The following SLC9A9 variants were observed in gnomAD, a reference collection of about 807,000 sequenced individuals.
SLC9A9 encodes solute carrier family 9 member A9.
In SLC9A9, 62 loss-of-function variants were observed where a neutral mutation model predicts 77.8. The ratio of observed to expected loss-of-function variants is 0.80; its 90% confidence interval spans 0.65 to 0.98. The LOEUF (loss-of-function observed/expected upper bound fraction) is 0.98. SLC9A9 is among the 50% of genes least tolerant of loss of function. SLC9A9 has a pLI of 0.00. For missense variants in SLC9A9, 775 were observed against 774.9 expected (o/e 1.00, Z 0.00); for synonymous variants, 320 against 283.5 (o/e 1.13, Z -1.29).
chr3:143,463,645 T>C (rs941011821), intron 12 of SLC9A9, among the ~76,000 whole-genome samples: 1 of 152,224 alleles, frequency 6.6e-6, no homozygotes, highest in Admixed American at 6.5e-5. Context: ...TTATTTTACA[T>C]GAAAACCTCC....
rs151163311 is a variant in SLC9A9 at position 143,316,165 on chromosome 3, C to A, written c.1605-47185G>T. Among the ~76,000 whole-genome samples the A allele has an allele frequency of 6.6e-5, 10 of 152,302 alleles. No homozygotes were observed. In the East Asian group the frequency reaches 1.9e-3, roughly 29 times the overall value. ...GCCCAGGCAGAAACATTTCCCACAT[C>A]TTTAGCCATTAGAAACCACCTGTCA... On this transcript the variant is annotated intron_variant, in intron 14 of 15. Coordinates refer to ENST00000316549, the MANE Select transcript of SLC9A9 (RefSeq NM_173653.4).
chr3:143,276,325 C>A (rs1053537539), intron 14 of SLC9A9, among the ~76,000 whole-genome samples: 3 of 152,222 alleles, frequency 2.0e-5, no homozygotes, highest in Non-Finnish European at 4.4e-5. Context: ...CGATGCTACT[C>A]CATTGCTTCC....
At chr3:143,574,699 C>G (rs1468994105) in intron 7 of SLC9A9, among the ~76,000 whole-genome samples, 1 of 152,128 alleles carries the variant, frequency 6.6e-6, no homozygotes, top group African/African-American at 2.4e-5. Flanking sequence ...GGAAGCTGTC[C>G]ATGCCCTCTT....
rs116274293 is a variant in SLC9A9 at position 143,396,983 on chromosome 3, G to T, written c.1470-14869C>A. 5.7e-3 allele frequency among the ~76,000 whole-genome samples: 861 copies of T among 152,232 alleles called. 8 individuals carry two copies. Among genetic ancestry groups the T allele is most frequent in the African/African-American group, 0.02 (818 of 41,528 alleles). The stretch of plus-strand genomic sequence containing the variant: ...TTCTTTGAAAAATAAACAAGAATAA[G>T]CAAGTACCTGTTCCAGACACAAATG... On this transcript the variant is annotated intron_variant, in intron 12 of 15. Transcript: ENST00000316549.
chr3:143,555,193 T>C (rs2036959410), intron 8 of SLC9A9, among the ~76,000 whole-genome samples: 1 of 152,098 alleles, frequency 6.6e-6, no homozygotes, highest in African/African-American at 2.4e-5. Flanking sequence ...TTATAAGGGG[T>C]TTCCCCTTTC....
chr3:143,469,937 A>T (rs912186239), intron 11 of SLC9A9, among the ~76,000 whole-genome samples: 1 of 152,176 alleles, frequency 6.6e-6, no homozygotes, highest in Non-Finnish European at 1.5e-5. Context: ...CAAGAAAAAA[A>T]GGCCCCACCA....
intron 13 of SLC9A9, among the ~76,000 whole-genome samples, chr3:143,371,331 T>C (rs1181918157): frequency 2.0e-5 from 3 of 152,180 alleles, no homozygotes; most frequent in African/African-American, 7.2e-5. Context: ...ATAATGACCA[T>C]GCCCTAAAAC....
intron 13 of SLC9A9, among the ~76,000 whole-genome samples, chr3:143,369,577 G>A (rs1053715814): frequency 6.6e-6 from 1 of 151,976 alleles, no homozygotes; most frequent in Non-Finnish European, 1.5e-5. Context: ...ATTACACATT[G>A]CATACATGTA....
chr3:143,719,606 A>G (rs982744526), intron 4 of SLC9A9, among the ~76,000 whole-genome samples: 1 of 152,202 alleles, frequency 6.6e-6, no homozygotes, highest in African/African-American at 2.4e-5. Flanking sequence ...GGCAGGTATC[A>G]TATGTTATTC....
intron 9 of SLC9A9, among the ~76,000 whole-genome samples, chr3:143,544,606 A>G (rs2036752994): frequency 6.6e-6 from 1 of 152,074 alleles, no homozygotes; most frequent in Admixed American, 6.6e-5. Flanking sequence ...ATTTTCTCCC[A>G]TTATGTAGGT....
At chr3:143,512,111 A>G (rs924295648) in intron 9 of SLC9A9, among the ~76,000 whole-genome samples, 12 of 152,368 alleles carry the variant, frequency 7.9e-5, no homozygotes, top group Admixed American at 7.2e-4. Flanking sequence ...AACTCACAGC[A>G]GAGAACTTAG....
At chr3:143,727,076 A>G (rs923546700) in intron 4 of SLC9A9, among the ~76,000 whole-genome samples, 3 of 152,186 alleles carry the variant, frequency 2.0e-5, no homozygotes, top group Non-Finnish European at 4.4e-5. Context: ...CCCTAATGAT[A>G]GGACAAAATG....
chr3:143,780,504 T>G (rs545334168), intron 4 of SLC9A9, among the ~76,000 whole-genome samples: 1 of 152,362 alleles, frequency 6.6e-6, no homozygotes, highest in African/African-American at 2.4e-5. Context: ...GATTTGTTTA[T>G]AATGTAGTTT....
At chr3:143,501,489 C>T (rs970095952) in intron 9 of SLC9A9, among the ~76,000 whole-genome samples, 2 of 150,704 alleles carry the variant, frequency 1.3e-5, no homozygotes, top group African/African-American at 5.0e-5. Flanking sequence ...GAAGGGGATA[C>T]GTTTTCTTTT....
chr3:143,629,438 C>T (rs1400417458), intron 6 of SLC9A9, among the ~76,000 whole-genome samples: 3 of 152,150 alleles, frequency 2.0e-5, no homozygotes, highest in Non-Finnish European at 2.9e-5. Context: ...ACGATTGGGG[C>T]ATAGTATTTA....
intron 5 of SLC9A9, among the ~76,000 whole-genome samples, chr3:143,667,652 C>T (rs1431090290): frequency 5.9e-5 from 9 of 151,940 alleles, no homozygotes; most frequent in African/African-American, 1.5e-4. Context: ...ATCAAACAAC[C>T]CCATGAAAAA....
chr3:143,841,669 C>A (rs1317364931), intron 1 of SLC9A9, among the ~76,000 whole-genome samples: 1 of 152,158 alleles, frequency 6.6e-6, no homozygotes, highest in Non-Finnish European at 1.5e-5. Context: ...CAGTAGTTTG[C>A]AGTAAAGTTT....
At chr3:143,835,879 G>T (rs181876146) in intron 1 of SLC9A9, among the ~76,000 whole-genome samples, 3 of 152,324 alleles carry the variant, frequency 2.0e-5, no homozygotes, top group East Asian at 3.9e-4. Context: ...CCAGGTTGAG[G>T]TTCCTGCATA....
intron 4 of SLC9A9, among the ~76,000 whole-genome samples, chr3:143,693,531 G>A (rs58901417): frequency 0.43 from 65,374 of 151,956 alleles, 14,242 homozygotes; most frequent in South Asian, 0.6. Context: ...AAAAGGTAAT[G>A]CAACAGTTTA....
Sources: gnomAD v4.1 joint callset for allele counts (sites outside exome capture counted in the v4.1 genomes callset) on GRCh38, gnomAD v4.1.1 for gene constraint, MANE v1.5 for transcripts, NCBI Gene and HGNC (gene_info 2026-07-23, HGNC 2026-07-21) for gene names.